Variants in UNC13B observed in about 807,000 individuals in gnomAD.
The protein encoded by UNC13B is unc-13 homolog B.
UNC13B carries 144 observed loss-of-function variants against 211.0 expected under a neutral mutation model. The observed-to-expected ratio is 0.68, with a 90% CI of 0.60 to 0.78. The LOEUF is 0.78. Among genes scored for constraint, UNC13B ranks in the 30% least tolerant of loss-of-function variants. UNC13B has a pLI of 0.00. For missense variants in UNC13B, 1,777 were observed against 2,002.0 expected (o/e 0.89, Z 2.14); for synonymous variants, 709 against 725.8 (o/e 0.98, Z 0.37).
intron 1 of UNC13B, among the ~76,000 whole-genome samples, chr9:35,180,393 A>G (rs1286234798): frequency 6.6e-6 from 1 of 152,194 alleles, no homozygotes; most frequent in East Asian, 1.9e-4. Context: ...ATGTTTGTGA[A>G]TGAATGAAAC....
intron 11 of UNC13B, among the ~76,000 whole-genome samples, chr9:35,320,716 T>G (rs1322831999): frequency 6.6e-6 from 1 of 152,202 alleles, no homozygotes; most frequent in African/African-American, 2.4e-5. Context: ...TTCTACTGCA[T>G]GATGATGTAA....
chr9:35,332,895 T>C (rs1276505178), intron 11 of UNC13B, among the ~76,000 whole-genome samples: 2 of 152,190 alleles, frequency 1.3e-5, no homozygotes, highest in Non-Finnish European at 2.9e-5. Flanking sequence ...TTTCTTAAAA[T>C]AATATATTTT....
At position 35,381,106 on chromosome 9, in the gene UNC13B, G is replaced by A. The variant is rs142888810; in HGVS notation, c.10382G>A (p.Arg3461Lys). The A allele has an allele frequency of 6.2e-7, 1 of 1,613,904 alleles. No homozygotes were observed. Among genetic ancestry groups the A allele is most frequent in the East Asian group, 2.2e-5 (1 of 44,882 alleles). ...EMDVWYNLEK[R>K]TDKSAVSGAI... ...AGTCTTCTTTCCTTCCTAGAGAAGA[G>A]GACAGACAAATCAGCCGTCTCAGGG... The change falls in exon 19 of 40, where the codon AGG (arginine) becomes AAG (lysine). Residue 3461 changes from arginine to lysine, a missense_variant. Coordinates refer to ENST00000635942, the MANE Select transcript of UNC13B (RefSeq NM_001371189.2).
chr9:35,297,560 T>TG (rs1564120045), intron 8 of UNC13B, among the ~76,000 whole-genome samples: 4 of 145,872 alleles, frequency 2.7e-5, no homozygotes, highest in African/African-American at 5.2e-5. Context: ...TTTTTTTTTT[T>TG]TTTTTTTGAG....
chr9:35,398,629 G>A lies in UNC13B; in HGVS notation c.11908G>A (p.Val3970Met). The A allele has an allele frequency of 3.1e-6, 5 of 1,613,998 alleles. No individual in the cohort carries two copies. The South Asian group carries it at 4.4e-5, about 14-fold the overall frequency. ...TACGGTTCTGGATGAGCTCAGCATG[G>A]TGTTTGGAAACAGGTCAGTGACCCC... is the stretch of plus-strand genomic sequence containing the variant. ...LNTVLDELSM[V>M]FGNSFQVRID... is the part of the protein sequence containing the mutation. Residue 3970 changes from valine to methionine, a missense_variant, in exon 32 of 40, where the codon GTG (valine) becomes ATG (methionine). Transcript: ENST00000635942.
intron 16 of UNC13B, 91 bp downstream of exon 16, chr9:35,377,786 AT>A: frequency 7.8e-7 from 1 of 1,289,024 alleles, no homozygotes; most frequent in Non-Finnish European, 1.1e-6. Flanking sequence ...GGAGCAAGGG[AT>A]TAGGGAGAAA....
chr9:35,311,185 TG>T (rs1160019018), intron 10 of UNC13B, among the ~76,000 whole-genome samples: 1 of 152,210 alleles, frequency 6.6e-6, no homozygotes. Context: ...TTGCCCAGGC[TG>T]GTCTTGAACT....
chr9:35,184,006 C>G lies in UNC13B; in HGVS notation c.22+21701C>G, dbSNP rs1469141717. Reference sequence around the variant, plus strand: ...CTCCTCACCTCCCAGACGGGGCAGCCAGGCAGAGGCGCTCCTCACTTCCCG... The same window carrying G: ...CTCCTCACCTCCCAGACGGGGCAGCGAGGCAGAGGCGCTCCTCACTTCCCG... On this transcript the variant is annotated intron_variant, in intron 1 of 39. Transcript: ENST00000635942. 2.1e-5 allele frequency among the ~76,000 whole-genome samples: 3 copies of G among 139,782 alleles called. No homozygotes were observed. The Admixed American group carries it at 2.2e-4, about 10-fold the overall frequency. The allele number at this position is 139,782 out of a possible 152,430, so 91.7% of individuals were successfully genotyped here. A position where few individuals can be genotyped will look rare whatever the true frequency, so the allele number is the denominator to read the frequency against.
At chr9:35,342,921 CAGAGAG>C (rs369618006) in intron 11 of UNC13B, among the ~76,000 whole-genome samples, 2 of 152,058 alleles carry the variant, frequency 1.3e-5, no homozygotes, top group Admixed American at 1.3e-4. Flanking sequence ...GAGAGAGAGA[CAGAGAG>C]AAAGAGAAAA....
chr9:35,360,686 C>G (rs1471998160), intron 11 of UNC13B: 2 of 152,154 alleles, frequency 1.3e-5, no homozygotes, highest in African/African-American at 4.8e-5. Flanking sequence ...GAGTCTCAGT[C>G]TGTCACCCAG....
chr9:35,324,646 C>G (rs546155244), intron 11 of UNC13B, among the ~76,000 whole-genome samples: 143 of 152,284 alleles, frequency 9.4e-4, no homozygotes, highest in Non-Finnish European at 1.8e-3. Flanking sequence ...TTTGACACTT[C>G]TGCACAGTCC....
Position 35,325,041 on chromosome 9 carries a change from T to C in UNC13B, c.9414+11052T>C, listed in dbSNP as rs780819833. 3.5e-4 allele frequency among the ~76,000 whole-genome samples: 54 copies of C among 152,198 alleles called. 1 individual carries two copies. Among genetic ancestry groups the C allele is most frequent in the Admixed American group, 2.5e-3 (38 of 15,268 alleles). Reference sequence around the variant, plus strand: ...TCAACCCTGAACCCACTAGATGTGATTGGGCTCCTGAGAGATAAGAGAAAG... The same window carrying C: ...TCAACCCTGAACCCACTAGATGTGACTGGGCTCCTGAGAGATAAGAGAAAG... On this transcript the variant is annotated intron_variant, in intron 11 of 39. Coordinates refer to ENST00000635942, the MANE Select transcript of UNC13B (RefSeq NM_001371189.2).
chr9:35,204,658 G>T (rs1823538165), intron 1 of UNC13B, among the ~76,000 whole-genome samples: 1 of 152,150 alleles, frequency 6.6e-6, no homozygotes, highest in Non-Finnish European at 1.5e-5. Flanking sequence ...TGGGGCCTAT[G>T]ACCCCTTTCT....
Position 35,390,720 on chromosome 9 carries a change from G to A in UNC13B, c.11308+6G>A. On this transcript the variant is annotated splice_donor_region_variant and intron_variant, in intron 26 of 39. Transcript: ENST00000635942. ...CATGAAATATGCATTGGAGGGTAAG[G>A]ATCTGTTCAAATCAGTGGGCTGCCA... 1 of 1,613,324 alleles carries A rather than the reference G, an allele frequency of 6.2e-7. No homozygotes were observed. The highest frequency in any genetic ancestry group is 8.5e-7 in the Non-Finnish European group (1 of 1,179,744).
At chr9:35,337,810 T>G (rs768870427) in intron 11 of UNC13B, among the ~76,000 whole-genome samples, 1 of 152,230 alleles carries the variant, frequency 6.6e-6, no homozygotes, top group Non-Finnish European at 1.5e-5. Context: ...AGATTTGGGT[T>G]TGCCCTATAT....
intron 22 of UNC13B, chr9:35,384,992 T>C (rs1835098316): frequency 2.1e-6 from 2 of 963,424 alleles, no homozygotes; most frequent in Non-Finnish European, 2.5e-6. Flanking sequence ...GAGGTTTTAA[T>C]TGTCTGCACT....
chr9:35,403,701 G>C, intron 39 of UNC13B, 47 bp from the exon 40 acceptor site: 1 of 1,608,430 alleles, frequency 6.2e-7, no homozygotes, highest in Non-Finnish European at 8.5e-7. Context: ...GGTGAAATCA[G>C]CTGAAGACTC....
chr9:35,310,502 A>T lies in UNC13B; in HGVS notation c.9044A>T (p.Asn3015Ile). 6.2e-7 allele frequency: 1 copy of T among 1,614,092 alleles called. No homozygotes were observed. Among genetic ancestry groups the T allele is most frequent in the Non-Finnish European group, 8.5e-7 (1 of 1,180,010 alleles). ...TSSSRYGSSC[N>I]VSQGSSQLSE... ...AGCAGTAGGTATGGCTCCTCCTGTA[A>T]TGTGAGTCAAGGAAGCTCTCAGCTA... The change falls in exon 10 of 40, where the codon AAT becomes ATT. Residue 3015 changes from asparagine to isoleucine, a missense_variant. Physicochemically the swap from Asn to Ile is moderately radical, Grantham distance 149. Transcript: ENST00000635942.
chr9:35,287,925 T>A (rs375014666), intron 7 of UNC13B, among the ~76,000 whole-genome samples: 19 of 152,060 alleles, frequency 1.2e-4, no homozygotes, highest in East Asian at 9.6e-4. Context: ...ATTAATCATC[T>A]TCTTCAGCCT....
Sources: gnomAD v4.1 joint callset for allele counts (sites outside exome capture counted in the v4.1 genomes callset) on GRCh38, gnomAD v4.1.1 for gene constraint, MANE v1.5 for transcripts, NCBI Gene and HGNC (gene_info 2026-07-23, HGNC 2026-07-21) for gene names.